The following MYO6 variants were observed in gnomAD, a reference collection of about 807,000 sequenced individuals.
MYO6 encodes the protein unconventional myosin-VI.
In MYO6, 74 loss-of-function variants were observed where a neutral mutation model predicts 178.7. The observed-to-expected ratio is 0.41, with a 90% CI of 0.34 to 0.50. The LOEUF is 0.50. Among genes scored for constraint, MYO6 ranks in the 20% least tolerant of loss-of-function variants. The probability of loss-of-function intolerance (pLI) is 0.09; values close to 1 mark genes in which losing one functional copy is unlikely to be tolerated. For missense variants in MYO6, 1,330 were observed against 1,547.4 expected (o/e 0.86, Z 2.36); for synonymous variants, 477 against 504.6 (o/e 0.95, Z 0.73).
chr6:75,886,264 A>G (rs1051781537), intron 24 of MYO6, among the ~76,000 whole-genome samples, 170 bp downstream of exon 24: 2 of 152,194 alleles, frequency 1.3e-5, no homozygotes, highest in Non-Finnish European at 2.9e-5. Flanking sequence ...TAGTTAATTC[A>G]TTTATTACCT....
At chr6:75,824,598 C>A (rs1422566915) in intron 3 of MYO6, among the ~76,000 whole-genome samples, 1 of 151,958 alleles carries the variant, frequency 6.6e-6, no homozygotes, top group Non-Finnish European at 1.5e-5. Flanking sequence ...ATGCATATTT[C>A]TAAAATTCTT....
At chr6:75,791,372 A>G (rs142632712) in intron 1 of MYO6, among the ~76,000 whole-genome samples, 3 of 152,342 alleles carry the variant, frequency 2.0e-5, no homozygotes, top group African/African-American at 7.2e-5. Context: ...TATGACTTCA[A>G]TATGTATAAT....
In MYO6 at chr6:75,787,716, CTCTCTCTCTCTCTCTATATATATATATA is replaced by C. The variant is rs1346942011; in HGVS notation, c.-47-29783_-47-29756del. On this transcript the variant is annotated intron_variant, in intron 1 of 34. Coordinates refer to ENST00000369977, the MANE Select transcript of MYO6 (RefSeq NM_004999.4). ...TCTCTCTCTCTCTCTCTCTCTCTCT[CTCTCTCTCTCTCTCTATATATATATATA>C]TATATATATATATATATGTATTTTT... Among the ~76,000 whole-genome samples, 122 of 51,666 alleles carry C rather than the reference CTCTCTCTCTCTCTCTATATATATATATA, an allele frequency of 2.4e-3. 1 individual carries two copies. The highest frequency in any genetic ancestry group is 3.6e-3 in the Non-Finnish European group (99 of 27,704). 33.9% of individuals were successfully genotyped at this position (51,666 alleles called of 152,430 possible).
At chr6:75,815,393 T>G (rs1583170948) in intron 1 of MYO6, among the ~76,000 whole-genome samples, 1 of 152,184 alleles carries the variant, frequency 6.6e-6, no homozygotes, top group African/African-American at 2.4e-5. Context: ...GATACATTCA[T>G]GAAGAGGTGT....
intron 1 of MYO6, among the ~76,000 whole-genome samples, chr6:75,776,977 G>A (rs1766455894): frequency 6.6e-6 from 1 of 152,080 alleles, no homozygotes; most frequent in African/African-American, 2.4e-5. Context: ...TCCAGATACA[G>A]CATAGTTTAC....
At chr6:75,774,601 C>T (rs1469663609) in intron 1 of MYO6, among the ~76,000 whole-genome samples, 1 of 151,960 alleles carries the variant, frequency 6.6e-6, no homozygotes, top group Non-Finnish European at 1.5e-5. Context: ...TAACAATTGT[C>T]TTCTTACCTT....
At chr6:75,833,411 C>T (rs907823870) in intron 6 of MYO6, among the ~76,000 whole-genome samples, 2 of 152,230 alleles carry the variant, frequency 1.3e-5, no homozygotes, top group Admixed American at 1.3e-4. Context: ...TCTGTACCAT[C>T]TCCAGAACTT....
At chr6:75,854,988 A>C in intron 11 of MYO6, 151 bp from the exon 12 acceptor site, 1 of 693,266 alleles carries the variant, frequency 1.4e-6, no homozygotes, top group Non-Finnish European at 2.4e-6. Context: ...TTTGACAAGG[A>C]TAGTGAAAAA....
chr6:75,831,505 A>C (rs928937217), intron 5 of MYO6, among the ~76,000 whole-genome samples: 2 of 152,244 alleles, frequency 1.3e-5, no homozygotes, highest in African/African-American at 4.8e-5. Flanking sequence ...GAATACGAGC[A>C]AACATCACTG....
At chr6:75,819,688 G>A (rs571185761) in intron 2 of MYO6, among the ~76,000 whole-genome samples, 1 of 152,358 alleles carries the variant, frequency 6.6e-6, no homozygotes, top group South Asian at 2.1e-4. Context: ...AAATGAAACA[G>A]TTGATCAAAA....
chr6:75,905,882 C>T (rs777591419), intron 30 of MYO6, among the ~76,000 whole-genome samples: 34 of 152,220 alleles, frequency 2.2e-4, no homozygotes, highest in Middle Eastern at 3.4e-3. Context: ...AGCAAGGGCA[C>T]CTTATTTATT....
rs370728172 is a variant in MYO6 at position 75,749,859 on chromosome 6, G to A, written c.-48+436G>A. On this transcript the variant is annotated intron_variant, in intron 1 of 34. Transcript: ENST00000369977. ...AATAGTCTAATCATGTAGGAGACCA[G>A]ATCGAGACTTTCTAAAGCCTTATTC... Among the ~76,000 whole-genome samples the A allele has an allele frequency of 7.9e-5, 12 of 152,274 alleles. No individual in the cohort carries two copies. The East Asian group carries it at 2.3e-3, about 29-fold the overall frequency.
chr6:75,797,492 A>G (rs1300989071), intron 1 of MYO6, among the ~76,000 whole-genome samples: 3 of 151,846 alleles, frequency 2.0e-5, no homozygotes, highest in African/African-American at 4.8e-5. Flanking sequence ...CAGTCATGTA[A>G]TTGCTGGGTC....
intron 1 of MYO6, among the ~76,000 whole-genome samples, chr6:75,806,243 T>C (rs1479960455): frequency 6.6e-6 from 1 of 151,952 alleles, no homozygotes; most frequent in Non-Finnish European, 1.5e-5. Flanking sequence ...AAAAATTAGC[T>C]GGATGTGGTG....
At chr6:75,769,976 T>C (rs62414770) in intron 1 of MYO6, among the ~76,000 whole-genome samples, 2 of 152,046 alleles carry the variant, frequency 1.3e-5, no homozygotes, top group Non-Finnish European at 2.9e-5. Context: ...AGTGGTTCTG[T>C]CATTCTCACT....
intron 1 of MYO6, among the ~76,000 whole-genome samples, chr6:75,808,637 G>T (rs1562188513): frequency 6.6e-6 from 1 of 152,202 alleles, no homozygotes; most frequent in Non-Finnish European, 1.5e-5. Flanking sequence ...GCTGGGGATT[G>T]TGAACCCAGA....
At chr6:75,853,502 A>AT (rs1304879952) in intron 11 of MYO6, among the ~76,000 whole-genome samples, 1 of 152,040 alleles carries the variant, frequency 6.6e-6, no homozygotes, top group African/African-American at 2.4e-5. Context: ...TTTTGAGTTA[A>AT]TTTTTGTTTA....
intron 16 of MYO6, chr6:75,865,452 C>T (rs1776579614): frequency 6.8e-6 from 1 of 147,694 alleles, no homozygotes; most frequent in South Asian, 2.1e-4. Flanking sequence ...CAACCTCTGC[C>T]TCCCGGGCTC....
chr6:75,854,553 A>G (rs1287469161), intron 11 of MYO6, among the ~76,000 whole-genome samples: 3 of 152,014 alleles, frequency 2.0e-5, no homozygotes, highest in Non-Finnish European at 4.4e-5. Context: ...ACTGGAAAAA[A>G]TCTAAAATCT....
Sources: gnomAD v4.1 joint callset for allele counts (sites outside exome capture counted in the v4.1 genomes callset) on GRCh38, gnomAD v4.1.1 for gene constraint, MANE v1.5 for transcripts, NCBI Gene and HGNC (gene_info 2026-07-23, HGNC 2026-07-21) for gene names.